The following ANXA6 variants were observed in gnomAD, a reference collection of about 807,000 sequenced individuals.
ANXA6 encodes the protein annexin A6, also known as 67 kDa calelectrin.
In ANXA6, 71 loss-of-function variants were observed where a neutral mutation model predicts 95.4. That is an observed-to-expected ratio of 0.74 (90% CI 0.61 to 0.91). The LOEUF is 0.91. ANXA6 is among the 40% of genes least tolerant of loss of function. The pLI, the probability that ANXA6 is intolerant of heterozygous loss-of-function variation, is 0.00. For missense variants in ANXA6, 830 were observed against 876.4 expected, an observed-to-expected ratio of 0.95 and a Z score of 0.67; for synonymous variants, 289 against 315.9, an observed-to-expected ratio of 0.91 and a Z score of 0.90.
chr5:151,126,421 C>T lies in ANXA6; in HGVS notation c.1037G>A (p.Ser346Asn). The T allele has an allele frequency of 6.2e-7, 1 of 1,610,604 alleles. No individual in the cohort carries two copies. ...AQVAYQMWELSAVARVELKGT... is the reference protein window; with the variant it reads ...AQVAYQMWELNAVARVELKGT... ...TCTGACCTCTACTCGGGCCACTGCA[C>T]TAAGTTCCCACATCTGATAGGCCAC... Residue 346 changes from serine (S) to asparagine (N), a missense_variant, in exon 14 of 26, where the codon AGT becomes AAT. By Grantham distance (46) the Ser-to-Asn change is conservative. Coordinates refer to ENST00000354546, the MANE Select transcript of ANXA6 (RefSeq NM_001155.5).
At chr5:151,104,392 C>G (rs1478415943) in intron 24 of ANXA6, among the ~76,000 whole-genome samples, 1 of 152,254 alleles carries the variant, frequency 6.6e-6, no homozygotes, top group Admixed American at 6.5e-5. Context: ...GCGACAAGCA[C>G]CAGCCTAGGA....
intron 2 of ANXA6, among the ~76,000 whole-genome samples, chr5:151,146,860 C>T (rs1013108099): frequency 6.6e-6 from 1 of 152,204 alleles, no homozygotes; most frequent in African/African-American, 2.4e-5. Flanking sequence ...GATCTCAGCT[C>T]ATCACAGCCT....
chr5:151,117,244 C>G, intron 19 of ANXA6, 64 bp from the exon 20 acceptor site: 1 of 1,455,216 alleles, frequency 6.9e-7, no homozygotes, highest in African/African-American at 1.4e-5. Flanking sequence ...CTCTGTACCA[C>G]CACACACCCT....
intron 11 of ANXA6, 105 bp from the exon 12 acceptor site, chr5:151,129,634 T>C: frequency 7.4e-7 from 1 of 1,355,978 alleles, no homozygotes; most frequent in East Asian, 2.5e-5. Flanking sequence ...AAAGTTAAAA[T>C]TTAGAGCAAA....
chr5:151,112,031 G>A (rs1764864926), intron 20 of ANXA6, among the ~76,000 whole-genome samples: 1 of 151,710 alleles, frequency 6.6e-6, no homozygotes, highest in Non-Finnish European at 1.5e-5. Context: ...CCTGACCTTA[G>A]GTAATCCACC....
At chr5:151,141,832 G>A (rs1765845237) in intron 2 of ANXA6, 2 of 550,240 alleles carry the variant, frequency 3.6e-6, no homozygotes, top group Non-Finnish European at 4.6e-6. Flanking sequence ...AGAGCAGGGC[G>A]CCTTGCAAGG....
Position 151,153,967 on chromosome 5 carries a change from A to G in ANXA6, c.-26+3713T>C, listed in dbSNP as rs561232539. Among the ~76,000 whole-genome samples, 13 of 152,204 alleles carry G rather than the reference A, an allele frequency of 8.5e-5. No homozygotes were observed. The East Asian group carries it at 2.5e-3, about 29-fold the overall frequency. On this transcript the variant is annotated intron_variant, in intron 1 of 25. Coordinates refer to ENST00000354546, the MANE Select transcript of ANXA6 (RefSeq NM_001155.5). ...CCCCCTCCCATAGGGCGTGGCTCCT[A>G]TGGATGGTTGGGGGTAAAATGCACT...
chr5:151,133,107 C>A lies in ANXA6; in HGVS notation c.627G>T (p.Gln209His). The A allele has an allele frequency of 6.3e-7, 1 of 1,595,886 alleles. No individual in the cohort carries two copies. Among genetic ancestry groups the A allele is most frequent in the Non-Finnish European group, 8.5e-7 (1 of 1,170,634 alleles). The part of the protein sequence containing the change: ...FIYILGNRSK[Q>H]HLRLVFDEYL... ...TCTGGAGCTTACCCAACCGAAGATG[C>A]TGCTTGCTGCGATTTCCCAAGATGT... is the stretch of plus-strand genomic sequence containing the variant. The change falls in exon 9 of 26, where the codon CAG becomes CAT. Residue 209 changes from glutamine to histidine, a missense_variant. Gln to His is a conservative substitution (Grantham distance 24). Transcript: ENST00000354546.
At chr5:151,110,554 G>T in intron 21 of ANXA6, 73 bp downstream of exon 21, 1 of 1,529,558 alleles carries the variant, frequency 6.5e-7, no homozygotes, top group Non-Finnish European at 9.0e-7. Flanking sequence ...GCTCGATACT[G>T]CCCCGCTCGG....
At chr5:151,145,219 G>A (rs181788371) in intron 2 of ANXA6, among the ~76,000 whole-genome samples, 2 of 152,314 alleles carry the variant, frequency 1.3e-5, no homozygotes, top group Admixed American at 6.5e-5. Flanking sequence ...TGGAGCAGGA[G>A]TCCTAGTGGC....
In ANXA6 at chr5:151,117,200, A is replaced by C; in HGVS notation, c.1519-20T>G. 1 of 1,582,612 alleles carries C rather than the reference A, an allele frequency of 6.3e-7. No individual in the cohort carries two copies. On this transcript the variant is annotated intron_variant, in intron 19 of 25. Transcript: ENST00000354546. ...ATGCCCCTGCAGCAGGAGCAGCAAG[A>C]AAGTTCAGTCCCCAAACATCGACCC...
intron 1 of ANXA6, among the ~76,000 whole-genome samples, chr5:151,157,328 G>A (rs1163915662): frequency 1.3e-5 from 2 of 152,042 alleles, no homozygotes; most frequent in East Asian, 3.9e-4. Context: ...CCCAACCCCG[G>A]ACCTTCAAAG....
intron 13 of ANXA6, 42 bp downstream of exon 13, chr5:151,128,139 C>A: frequency 6.3e-7 from 1 of 1,576,842 alleles, no homozygotes; most frequent in South Asian, 1.1e-5. Context: ...GCCTGGCACC[C>A]CAAGGCCATG....
At chr5:151,127,280 C>T (rs2033794370) in intron 13 of ANXA6, among the ~76,000 whole-genome samples, 1 of 152,226 alleles carries the variant, frequency 6.6e-6, no homozygotes. Flanking sequence ...ACAGGAAATT[C>T]TTGCATCCCT....
rs775326203 is a variant in ANXA6, at chr5:151,110,640, G to A, written c.1577C>T (p.Ala526Val). ...LDQAREDAQVAAEILEIADTP... is the reference protein window; with the variant it reads ...LDQAREDAQVVAEILEIADTP... Reference sequence around the variant, plus strand: ...CAGGACACTCACCAAGATCTCAGCAGCCACCTGAGAGCAGGGAGGGGAGAG... The same window carrying A: ...CAGGACACTCACCAAGATCTCAGCAACCACCTGAGAGCAGGGAGGGGAGAG... The change falls in exon 21 of 26, where the codon GCT (alanine) becomes GTT (valine). Residue 526 changes from alanine to valine, a missense_variant. Physicochemically the swap from Ala to Val is moderately conservative, Grantham distance 64 (BLOSUM62 0). Coordinates refer to ENST00000354546, the MANE Select transcript of ANXA6 (RefSeq NM_001155.5). 1 of 1,613,354 alleles carries A rather than the reference G, an allele frequency of 6.2e-7. No homozygotes were observed. Among genetic ancestry groups the A allele is most frequent in the South Asian group, 1.1e-5 (1 of 91,066 alleles).
At chr5:151,148,232 G>A (rs1322685257) in intron 1 of ANXA6, among the ~76,000 whole-genome samples, 1 of 152,082 alleles carries the variant, frequency 6.6e-6, no homozygotes, top group Non-Finnish European at 1.5e-5. Flanking sequence ...TCTCAGCACC[G>A]TCTCAGTTAC....
In ANXA6 at chr5:151,101,335, T is replaced by TCCCCCCCCCCCCCCCCCC; in HGVS notation, c.*112_*113insGGGGGGGGGGGGGGGGGG. 6.5e-6 allele frequency: 1 copy of TCCCCCCCCCCCCCCCCCC among 153,034 alleles called. No individual in the cohort carries two copies. Among genetic ancestry groups the TCCCCCCCCCCCCCCCCCC allele is most frequent in the South Asian group, 4.7e-5 (1 of 21,284 alleles). 9.5% of individuals were successfully genotyped at this position (153,034 alleles called of 1,614,324 possible). A position where few individuals can be genotyped will look rare whatever the true frequency, so the allele number is the denominator to read the frequency against. ...GAAGATAAGAGCCCAACCCAACCCC[T>TCCCCCCCCCCCCCCCCCC]CCCCCCACCCCTGCCCCTTCCTTAG... is the stretch of plus-strand genomic sequence containing the variant. On this transcript the variant is annotated 3_prime_UTR_variant, in exon 26 of 26. Transcript: ENST00000354546.
chr5:151,118,917 G>T (rs1466562082), intron 18 of ANXA6, among the ~76,000 whole-genome samples: 1 of 152,134 alleles, frequency 6.6e-6, no homozygotes, highest in Non-Finnish European at 1.5e-5. Context: ...ATGAAAATAT[G>T]GGGCCACTCG....
Position 151,100,765 on chromosome 5 carries a change from G to A in ANXA6, c.*683C>T, listed in dbSNP as rs1178355865. 4 of 412,896 alleles carry A rather than the reference G, an allele frequency of 9.7e-6. No homozygotes were observed. The highest frequency in any genetic ancestry group is 4.2e-5 in the African/African-American group (2 of 48,162). 25.6% of individuals were successfully genotyped at this position (412,896 alleles called of 1,614,324 possible). A position where few individuals can be genotyped will look rare whatever the true frequency, so the allele number is the denominator to read the frequency against. On this transcript the variant is annotated 3_prime_UTR_variant, in exon 26 of 26. Transcript: ENST00000354546. ...TTCCTTAGAAATAAAAAGTGTCAAG[G>A]GAATGAATCGGAGGCATACTTTAGG...
Sources: gnomAD v4.1 joint callset for allele counts (sites outside exome capture counted in the v4.1 genomes callset) on GRCh38, gnomAD v4.1.1 for gene constraint, MANE v1.5 for transcripts, NCBI Gene and HGNC (gene_info 2026-07-23, HGNC 2026-07-21) for gene names.